The following CHD1 variants were observed in gnomAD, a reference collection of about 807,000 sequenced individuals.
The protein encoded by CHD1 is ATP-dependent chromatin remodeler CHD1.
In CHD1, 36 loss-of-function variants were observed where a neutral mutation model predicts 224.2. The ratio of observed to expected loss-of-function variants is 0.16; its 90% CI spans 0.12 to 0.21. The LOEUF is 0.21. CHD1 is among the 10% of genes least tolerant of loss of function. The pLI is 1.00. For missense variants in CHD1, 1,378 were observed against 1,994.8 expected (o/e 0.69, Z 5.89); for synonymous variants, 668 against 658.3 (o/e 1.01, Z -0.23).
At chr5:98,858,091 T>TGAA (rs1451258130) in intron 35 of CHD1, 89 bp downstream of exon 35, 1 of 963,602 alleles carries the variant, frequency 1.0e-6, no homozygotes, top group African/African-American at 1.6e-5. Context: ...GCATGAAGAT[T>TGAA]GAATTGGCTG....
At chr5:98,904,032 C>T in intron 3 of CHD1, 124 bp from the exon 4 acceptor site, 1 of 606,882 alleles carries the variant, frequency 1.6e-6, no homozygotes, top group Middle Eastern at 4.0e-4. Flanking sequence ...ATATTCCTTA[C>T]CTATATGTAA....
chr5:98,866,657 C>T (rs1580363239), intron 31 of CHD1, among the ~76,000 whole-genome samples: 1 of 151,980 alleles, frequency 6.6e-6, no homozygotes, highest in East Asian at 1.9e-4. Flanking sequence ...ATAAAAGATT[C>T]AGATGCTAGA....
intron 3 of CHD1, 49 bp from the exon 4 acceptor site, chr5:98,903,957 CAA>C (rs945023685): frequency 1.7e-6 from 2 of 1,151,340 alleles, no homozygotes; most frequent in East Asian, 2.6e-5. Flanking sequence ...AAGAAAACTG[CAA>C]AAAAAGGTTA....
chr5:98,896,090 A>G (rs1372308506), intron 12 of CHD1, 136 bp downstream of exon 12: 1 of 675,536 alleles, frequency 1.5e-6, no homozygotes, highest in Non-Finnish European at 2.6e-6. Flanking sequence ...CTGTGGTCCC[A>G]GTTGCAGTGA....
intron 2 of CHD1, among the ~76,000 whole-genome samples, chr5:98,906,301 T>C (rs180837867): frequency 8.3e-4 from 127 of 152,308 alleles, no homozygotes; most frequent in African/African-American, 2.9e-3. Context: ...GCTATGAAGA[T>C]CATTTTTGCC....
chr5:98,872,248 C>A (rs755711019), intron 27 of CHD1, 47 bp from the exon 28 acceptor site: 1 of 1,559,068 alleles, frequency 6.4e-7, no homozygotes, highest in East Asian at 2.3e-5. Flanking sequence ...ATTGCCTTAA[C>A]TGAAAAATTA....
chr5:98,917,997 G>C (rs964110985), intron 2 of CHD1, among the ~76,000 whole-genome samples: 4 of 152,012 alleles, frequency 2.6e-5, no homozygotes, highest in African/African-American at 9.7e-5. Flanking sequence ...CCCATTGGCA[G>C]TGTTTTTTCT....
chr5:98,923,943 T>C (rs1753276772), intron 2 of CHD1, among the ~76,000 whole-genome samples: 1 of 152,198 alleles, frequency 6.6e-6, no homozygotes, highest in Non-Finnish European at 1.5e-5. Context: ...CTACTAACCA[T>C]TCCATTCCAA....
At position 98,905,051 on chromosome 5, in the gene CHD1, G is replaced by GAAC; in HGVS notation, c.98_100dup (p.Gly33_Ser34insCys). ...TCCATCACTACTGCTTCCAGAACTC[G>GAAC]AACCAGATCCAGAGCCTGAAGCTGA... On this transcript the variant is annotated inframe_insertion, in exon 3 of 36. Transcript: ENST00000614616. 6.3e-7 allele frequency: 1 copy of GAAC among 1,593,796 alleles called. No homozygotes were observed. The highest frequency in any genetic ancestry group is 2.2e-5 in the East Asian group (1 of 44,786).
chr5:98,889,394 T>A (rs1426729657), intron 15 of CHD1, among the ~76,000 whole-genome samples, 156 bp from the exon 16 acceptor site: 1 of 152,212 alleles, frequency 6.6e-6, no homozygotes, highest in Admixed American at 6.5e-5. Flanking sequence ...ACCAAACCTC[T>A]TTCATAATAC....
intron 27 of CHD1, 88 bp downstream of exon 27, chr5:98,872,329 T>A: frequency 6.9e-7 from 1 of 1,451,102 alleles, no homozygotes; most frequent in Non-Finnish European, 9.4e-7. Context: ...TTTTCAAAAC[T>A]AGCCAATAAC....
At chr5:98,924,134 T>C (rs564228448) in intron 2 of CHD1, among the ~76,000 whole-genome samples, 3 of 152,188 alleles carry the variant, frequency 2.0e-5, no homozygotes, top group South Asian at 2.1e-4. Flanking sequence ...CATGCACGCC[T>C]TTCAGGATGC....
At chr5:98,889,494 C>A (rs1403463300) in intron 15 of CHD1, among the ~76,000 whole-genome samples, 1 of 152,136 alleles carries the variant, frequency 6.6e-6, no homozygotes, top group Non-Finnish European at 1.5e-5. Flanking sequence ...AATCCTTTCC[C>A]CTCAAATTTG....
At chr5:98,864,404 G>A (rs1439489645) in intron 31 of CHD1, among the ~76,000 whole-genome samples, 2 of 151,442 alleles carry the variant, frequency 1.3e-5, no homozygotes, top group Non-Finnish European at 2.9e-5. Context: ...ATTGGGCCAG[G>A]CATGGTGGCT....
chr5:98,898,829 TC>T, intron 8 of CHD1, 65 bp from the exon 9 acceptor site: 1 of 855,124 alleles, frequency 1.2e-6, no homozygotes, highest in Non-Finnish European at 1.9e-6. Context: ...CACTCCCCCA[TC>T]CCCAACACTA....
chr5:98,875,433 T>C (rs1026918685), intron 24 of CHD1, among the ~76,000 whole-genome samples: 5 of 152,164 alleles, frequency 3.3e-5, no homozygotes, highest in Admixed American at 1.3e-4. Flanking sequence ...ACAGGAAGTG[T>C]CTCCACAATA....
At chr5:98,920,982 A>T (rs1014900999) in intron 2 of CHD1, among the ~76,000 whole-genome samples, 1 of 152,202 alleles carries the variant, frequency 6.6e-6, no homozygotes, top group African/African-American at 2.4e-5. Context: ...ATCCTACAAC[A>T]GAAAAGAGGG....
intron 8 of CHD1, 62 bp from the exon 9 acceptor site, chr5:98,898,826 C>T: frequency 1.1e-6 from 1 of 877,486 alleles, no homozygotes; most frequent in East Asian, 2.4e-5. Flanking sequence ...TTTCACTCCC[C>T]CATCCCCAAC....
chr5:98,858,747 G>A (rs1580341981), intron 34 of CHD1: 3 of 436,368 alleles, frequency 6.9e-6, no homozygotes, highest in East Asian at 7.3e-5. Context: ...AGAAAAGGAT[G>A]ATTAAAAGGA....
Sources: gnomAD v4.1 joint callset for allele counts (sites outside exome capture counted in the v4.1 genomes callset) on GRCh38, gnomAD v4.1.1 for gene constraint, MANE v1.5 for transcripts, NCBI Gene and HGNC (gene_info 2026-07-23, HGNC 2026-07-21) for gene names.